SGK1: variants seen among roughly 807,000 people sequenced by gnomAD.
SGK1 encodes serine/threonine-protein kinase Sgk1.
Under a neutral mutation model 64.2 loss-of-function variants are expected in SGK1, and 26 were observed. The observed-to-expected ratio is 0.40, with a 90% confidence interval of 0.30 to 0.56. The LOEUF is 0.56. Ranked by LOEUF, SGK1 falls within the 20% of genes least tolerant of loss-of-function variation. SGK1 has a pLI of 0.38. For missense variants in SGK1, 519 were observed against 645.6 expected (o/e 0.80, Z 2.12); for synonymous variants, 265 against 239.7 (o/e 1.11, Z -0.98).
chr6:134,248,445 CTT>C (rs34315643), intron 2 of SGK1, among the ~76,000 whole-genome samples: 23,092 of 101,862 alleles, frequency 0.23, 2,395 homozygotes, highest in East Asian at 0.35. Context: ...TCTCCTCCGC[CTT>C]TTTTTTTTTT....
At chr6:134,187,996 G>A (rs1355004998) in intron 3 of SGK1, among the ~76,000 whole-genome samples, 1 of 152,204 alleles carries the variant, frequency 6.6e-6, no homozygotes. Context: ...CTGTAGCCAG[G>A]TTGGCCTTAG....
At chr6:134,171,401 G>C (rs1775022042) in intron 11 of SGK1, 1 of 613,140 alleles carries the variant, frequency 1.6e-6, no homozygotes, top group East Asian at 2.8e-5. Context: ...ATGTTAATAA[G>C]TGGTAGTTTT....
intron 1 of SGK1, among the ~76,000 whole-genome samples, chr6:134,290,715 G>C (rs936059623): frequency 2.6e-5 from 4 of 152,174 alleles, no homozygotes; most frequent in Non-Finnish European, 5.9e-5. Context: ...GGCCTGCGAA[G>C]TCCTAGCTAG....
chr6:134,271,525 G>A lies in SGK1; in HGVS notation c.70-9377C>T, dbSNP rs191892305. Among the ~76,000 whole-genome samples, 33 of 147,672 alleles carry A rather than the reference G, an allele frequency of 2.2e-4. 1 individual carries two copies. Among genetic ancestry groups the A allele is most frequent in the African/African-American group, 6.1e-4 (25 of 41,150 alleles). ...TGGTGTAATCAGTGGAGAAGAACCT[G>A]GCTATCCTGTCCGTCAAAATCCACT... is the stretch of plus-strand genomic sequence containing the variant. On this transcript the variant is annotated intron_variant, in intron 1 of 13. Coordinates refer to ENST00000367858, the MANE Select transcript of SGK1 (RefSeq NM_001143676.3).
intron 2 of SGK1, among the ~76,000 whole-genome samples, chr6:134,246,152 T>A (rs1054122901): frequency 2.0e-5 from 3 of 151,940 alleles, no homozygotes; most frequent in Non-Finnish European, 4.4e-5. Context: ...TTTTCTTTTT[T>A]TTCTTTTTTT....
chr6:134,273,977 A>G (rs1034849568), intron 1 of SGK1, among the ~76,000 whole-genome samples: 5 of 152,144 alleles, frequency 3.3e-5, no homozygotes, highest in African/African-American at 2.4e-5. Context: ...TATTTTAAGC[A>G]GGAGAGTAGG....
At chr6:134,204,811 C>T (rs1415527454) in intron 3 of SGK1, among the ~76,000 whole-genome samples, 1 of 152,172 alleles carries the variant, frequency 6.6e-6, no homozygotes, top group Non-Finnish European at 1.5e-5. Flanking sequence ...ACCTTGGCCC[C>T]CCAAAGTGCT....
At position 134,170,377 on chromosome 6, in the gene SGK1, T is replaced by C. The variant is rs1445902419; in HGVS notation, c.1472A>G (p.Asn491Ser). ...GCTGTCAGGGGACTTGCCAATGGAGTTGGGGACAGGCTCTTCGGTAAACTC... is the reference window on the plus strand; with the variant it reads ...GCTGTCAGGGGACTTGCCAATGGAGCTGGGGACAGGCTCTTCGGTAAACTC... ...DPEFTEEPVP[N>S]SIGKSPDSVL... is the part of the protein sequence containing the mutation. Residue 491 changes from asparagine to serine, a missense_variant, in exon 14 of 14, where the codon AAC becomes AGC. By Grantham distance (46) the Asn-to-Ser change is conservative (BLOSUM62 1). Around this residue, in one of 2 missense-constraint regions of SGK1, gnomAD observed 278 missense variants for 408.7 expected, o/e 0.68. Coordinates refer to ENST00000367858, the MANE Select transcript of SGK1 (RefSeq NM_001143676.3). 7 of 1,613,804 alleles carry C rather than the reference T, an allele frequency of 4.3e-6. No individual in the cohort carries two copies. The highest frequency in any genetic ancestry group is 5.1e-6 in the Non-Finnish European group (6 of 1,179,918).
At chr6:134,219,660 A>T (rs9493861) in intron 2 of SGK1, among the ~76,000 whole-genome samples, 123,961 of 150,366 alleles carry the variant, frequency 0.82, 51,646 homozygotes, top group East Asian at 0.98. Flanking sequence ...CTAGGGAGGC[A>T]GAGGCAGGAG....
chr6:134,174,414 G>A, intron 4 of SGK1, 97 bp downstream of exon 4: 2 of 812,456 alleles, frequency 2.5e-6, no homozygotes, highest in Non-Finnish European at 4.1e-6. Context: ...CACCCCAGAA[G>A]AAGTCTTCGC....
chr6:134,287,117 A>C (rs1157396051), intron 1 of SGK1, among the ~76,000 whole-genome samples: 2 of 152,094 alleles, frequency 1.3e-5, no homozygotes, highest in Non-Finnish European at 2.9e-5. Context: ...GACTTCAGGC[A>C]CATGTCACCA....
intron 3 of SGK1, chr6:134,175,426 C>G (rs1775200799): frequency 3.8e-6 from 5 of 1,309,928 alleles, no homozygotes; most frequent in Non-Finnish European, 4.9e-6. Flanking sequence ...CCGCCAGGTC[C>G]TCCCGTTCCC....
intron 2 of SGK1, among the ~76,000 whole-genome samples, chr6:134,227,921 A>G (rs1776210284): frequency 6.6e-6 from 1 of 151,044 alleles, no homozygotes; most frequent in Non-Finnish European, 1.5e-5. Flanking sequence ...TCTTTGAAAT[A>G]GAAGACTGAA....
chr6:134,200,768 G>A (rs1005256583), intron 3 of SGK1, among the ~76,000 whole-genome samples: 1 of 152,050 alleles, frequency 6.6e-6, no homozygotes, highest in Non-Finnish European at 1.5e-5. Context: ...GCTGGGTGTG[G>A]TGGCATGTGC....
intron 1 of SGK1, among the ~76,000 whole-genome samples, chr6:134,301,836 A>G (rs527980347): frequency 1.1e-3 from 174 of 152,266 alleles, no homozygotes; most frequent in Non-Finnish European, 1.8e-3. Flanking sequence ...GGCTCAAGCA[A>G]TCCTCCCATC....
chr6:134,171,666 C>T lies in SGK1; in HGVS notation c.1138G>A (p.Ala380Thr). The T allele has an allele frequency of 6.2e-7, 1 of 1,613,962 alleles. No homozygotes were observed. The highest frequency in any genetic ancestry group is 8.5e-7 in the Non-Finnish European group (1 of 1,179,836). The change falls in exon 11 of 14, where the codon GCT (alanine) becomes ACT (threonine). Residue 380 changes from alanine (A) to threonine (T), a missense_variant. By Grantham distance (58) the Ala-to-Thr change is moderately conservative. Around this residue, in one of 2 missense-constraint regions of SGK1, gnomAD observed 278 missense variants for 408.7 expected, o/e 0.68. Transcript: ENST00000367858. ...DRTVDWWCLG[A>T]VLYEMLYGLP... ...CCATACAGCATCTCATACAAGACAG[C>T]TCCCAGGCACCACCAGTCCACAGTC...
chr6:134,305,830 T>C (rs550848915), intron 1 of SGK1, among the ~76,000 whole-genome samples: 50 of 152,196 alleles, frequency 3.3e-4, no homozygotes, highest in South Asian at 6.2e-4. Flanking sequence ...AACTTTAACA[T>C]AAACCAAACA....
chr6:134,205,409 G>A (rs980730899), intron 3 of SGK1, among the ~76,000 whole-genome samples: 1 of 151,498 alleles, frequency 6.6e-6, no homozygotes, highest in Non-Finnish European at 1.5e-5. Flanking sequence ...ATAATGTTTA[G>A]ACCGTAAGTC....
rs188807055 is a variant in SGK1 at position 134,197,372 on chromosome 6, C to A, written c.361+9984G>T. On this transcript the variant is annotated intron_variant, in intron 3 of 13. Coordinates refer to ENST00000367858, the MANE Select transcript of SGK1 (RefSeq NM_001143676.3). Reference sequence around the variant, plus strand: ...TGTCTGTACATTTTTTTTCTCATTTCTGTCTACCCAAAGGTGTTATGTTTT... The same window carrying A: ...TGTCTGTACATTTTTTTTCTCATTTATGTCTACCCAAAGGTGTTATGTTTT... Among the ~76,000 whole-genome samples, 6 of 152,102 alleles carry A rather than the reference C, an allele frequency of 3.9e-5. No individual in the cohort carries two copies. The East Asian group carries it at 1.2e-3, about 29-fold the overall frequency.
Sources: gnomAD v4.1 joint callset for allele counts (sites outside exome capture counted in the v4.1 genomes callset) on GRCh38, gnomAD v4.1.1 for gene constraint, gnomAD v4.1.1 regional missense constraint, MANE v1.5 for transcripts, NCBI Gene and HGNC (gene_info 2026-07-23, HGNC 2026-07-21) for gene names.